Variants in ISM1 observed in about 807,000 individuals in gnomAD.
The protein encoded by ISM1 is isthmin-1.
A neutral mutation model predicts 46.3 loss-of-function variants in ISM1; 25 were observed. That is an observed-to-expected ratio of 0.54 (90% CI 0.39 to 0.75). ISM1 has a LOEUF of 0.75. Ranked by LOEUF, ISM1 falls within the 30% of genes least tolerant of loss-of-function variation. The probability of loss-of-function intolerance (pLI) is 0.00; values close to 1 mark genes in which losing one functional copy is unlikely to be tolerated. For missense variants in ISM1, 536 were observed against 625.4 expected, an observed-to-expected ratio of 0.86 and a Z score of 1.52; for synonymous variants, 255 against 256.7, an observed-to-expected ratio of 0.99 and a Z score of 0.06.
At chr20:13,224,993 C>A (rs913042655) in intron 1 of ISM1, among the ~76,000 whole-genome samples, 3 of 151,054 alleles carry the variant, frequency 2.0e-5, no homozygotes, top group African/African-American at 7.3e-5. Flanking sequence ...CTACAGGCGC[C>A]TGCCACCACG....
chr20:13,223,086 C>A (rs1250218787), intron 1 of ISM1, among the ~76,000 whole-genome samples: 1 of 151,818 alleles, frequency 6.6e-6, no homozygotes, highest in South Asian at 2.1e-4. Flanking sequence ...TTGCTTGAAC[C>A]CGGGAGGTTG....
chr20:13,276,109 A>G (rs2040176643), intron 2 of ISM1, among the ~76,000 whole-genome samples: 1 of 152,238 alleles, frequency 6.6e-6, no homozygotes, highest in South Asian at 2.1e-4. Context: ...GGGGTAGAAT[A>G]ATCTGGATTT....
intron 1 of ISM1, among the ~76,000 whole-genome samples, chr20:13,239,955 G>A (rs929362806): frequency 1.3e-5 from 2 of 152,198 alleles, no homozygotes; most frequent in Admixed American, 1.3e-4. Context: ...TAGAGTAAGT[G>A]TACATCTAAA....
At chr20:13,293,027 G>A (rs1028474053) in intron 5 of ISM1, among the ~76,000 whole-genome samples, 3 of 151,642 alleles carry the variant, frequency 2.0e-5, no homozygotes, top group Admixed American at 6.6e-5. Flanking sequence ...AAACCCCCCC[G>A]TCTCTACTAA....
chr20:13,281,051 C>T (rs983619623), intron 3 of ISM1, among the ~76,000 whole-genome samples: 2 of 152,212 alleles, frequency 1.3e-5, no homozygotes, highest in African/African-American at 4.8e-5. Context: ...ACAGTCATTT[C>T]TTCTCATTAA....
At chr20:13,259,047 C>T (rs1400357334) in intron 1 of ISM1, among the ~76,000 whole-genome samples, 1 of 152,078 alleles carries the variant, frequency 6.6e-6, no homozygotes, top group Non-Finnish European at 1.5e-5. Context: ...CTTTGGGAGG[C>T]CGAGGCGGGT....
chr20:13,305,219 A>C (rs1027123284), downstream of ISM1, among the ~76,000 whole-genome samples: 1 of 132,622 alleles, frequency 7.5e-6, no homozygotes, highest in Non-Finnish European at 1.6e-5. Context: ...AAAAAAAAAA[A>C]CCCTTAATTT....
In ISM1 at chr20:13,293,755, C is replaced by T. The variant is rs186195721; in HGVS notation, c.877+1292C>T. On this transcript the variant is annotated intron_variant, in intron 5 of 5. Coordinates refer to ENST00000262487, the MANE Select transcript of ISM1 (RefSeq NM_080826.2). ...TTGGGAGGCTGAGGCGGGTGGATCA[C>T]CTGAGGCCAGGAGTTTGAGACCAGC... is the stretch of plus-strand genomic sequence containing the variant. Among the ~76,000 whole-genome samples the T allele has an allele frequency of 4.6e-5, 7 of 152,214 alleles. No homozygotes were observed. The East Asian group carries it at 1.2e-3, about 25-fold the overall frequency.
chr20:13,272,952 A>C (rs529947494), intron 2 of ISM1, among the ~76,000 whole-genome samples: 3 of 152,344 alleles, frequency 2.0e-5, no homozygotes, highest in African/African-American at 7.2e-5. Flanking sequence ...AGAGGTGGGA[A>C]TGTCACTTGG....
At chr20:13,271,708 C>A (rs2040117542) in intron 2 of ISM1, among the ~76,000 whole-genome samples, 2 of 152,206 alleles carry the variant, frequency 1.3e-5, no homozygotes, top group African/African-American at 2.4e-5. Flanking sequence ...AGATGGTCCC[C>A]ATGATGGTTG....
At chr20:13,276,110 A>G (rs1468060178) in intron 2 of ISM1, among the ~76,000 whole-genome samples, 1 of 152,218 alleles carries the variant, frequency 6.6e-6, no homozygotes, top group Non-Finnish European at 1.5e-5. Flanking sequence ...GGGTAGAATA[A>G]TCTGGATTTA....
intron 3 of ISM1, among the ~76,000 whole-genome samples, chr20:13,288,152 T>C (rs2040313758): frequency 6.6e-6 from 1 of 152,148 alleles, no homozygotes; most frequent in African/African-American, 2.4e-5. Flanking sequence ...CTAGAGAAAA[T>C]AGATTCTCCT....
chr20:13,312,197 A>C, the ISM1 span, among the ~76,000 whole-genome samples: 3 of 152,230 alleles, frequency 2.0e-5, no homozygotes, highest in Non-Finnish European at 2.9e-5. Context: ...TACCAAAAGT[A>C]AGCAAAACTA....
chr20:13,289,304 G>A (rs2040327786), intron 4 of ISM1, among the ~76,000 whole-genome samples: 1 of 152,212 alleles, frequency 6.6e-6, no homozygotes, highest in East Asian at 1.9e-4. Flanking sequence ...ATGGTCTGAT[G>A]AGGAAGCCAG....
In ISM1 at chr20:13,255,821, G is replaced by T. The variant is rs553310765; in HGVS notation, c.139-14683G>T. On this transcript the variant is annotated intron_variant, in intron 1 of 5. Coordinates refer to ENST00000262487, the MANE Select transcript of ISM1 (RefSeq NM_080826.2). ...GGTAGACCTAAGTGAAACTACAAGG[G>T]GTCCGCTGTGCCCCTGCCTATCAGG... Among the ~76,000 whole-genome samples, 199 of 152,212 alleles carry T rather than the reference G, an allele frequency of 1.3e-3. No individual in the cohort carries two copies. In the Middle Eastern group the frequency reaches 0.024, roughly 18 times the overall value.
Position 13,292,386 on chromosome 20 carries a change from C to G in ISM1, c.800C>G (p.Thr267Ser). Reference protein sequence around the residue: ...DRPNCPGIEDTFRTAATEVSL... With the variant: ...DRPNCPGIEDSFRTAATEVSL... The stretch of plus-strand genomic sequence containing the variant: ...TGTCTGTGTTTAGGAATTGAAGACA[C>G]TTTTAGGACAGCTGCCACCGAAGTG... Residue 267 changes from threonine (T) to serine (S), a missense_variant, in exon 5 of 6, where the codon ACT becomes AGT. This residue lies in a region of ISM1 where 367 missense variants were observed against 376.1 expected (regional missense o/e 0.98). Coordinates refer to ENST00000262487, the MANE Select transcript of ISM1 (RefSeq NM_080826.2). 1 of 1,601,214 alleles carries G rather than the reference C, an allele frequency of 6.2e-7. No homozygotes were observed. The highest frequency in any genetic ancestry group is 8.5e-7 in the Non-Finnish European group (1 of 1,173,160).
intron 1 of ISM1, among the ~76,000 whole-genome samples, chr20:13,265,015 C>A (rs2040027525): frequency 2.0e-5 from 3 of 152,164 alleles, no homozygotes; most frequent in African/African-American, 7.2e-5. Flanking sequence ...GGCTGTCAGA[C>A]CAAAGGCTGG....
At chr20:13,221,981 C>G in intron 1 of ISM1, 67 bp downstream of exon 1, 1 of 1,263,718 alleles carries the variant, frequency 7.9e-7, no homozygotes, top group Non-Finnish European at 1.0e-6. Flanking sequence ...GGGTGCTGAG[C>G]TAGTGCCGGG....
intron 3 of ISM1, among the ~76,000 whole-genome samples, chr20:13,285,487 A>T (rs908521241): frequency 1.3e-5 from 2 of 151,666 alleles, no homozygotes; most frequent in African/African-American, 4.9e-5. Flanking sequence ...CTGTATTGAG[A>T]TGGCTGGGGC....
Sources: allele counts gnomAD v4.1 joint callset (sites outside exome capture counted in the v4.1 genomes callset), GRCh38; gene constraint gnomAD v4.1.1; regional missense constraint gnomAD v4.1.1; transcripts MANE v1.5; gene names NCBI Gene and HGNC (gene_info 2026-07-23, HGNC 2026-07-21).